The following CEP290 variants were observed in gnomAD, a reference collection of about 807,000 sequenced individuals.
CEP290 encodes the protein centrosomal protein of 290 kDa.
CEP290 carries 317 observed loss-of-function variants against 344.9 expected under a neutral mutation model. The ratio of observed to expected loss-of-function variants is 0.92; its 90% confidence interval spans 0.84 to 1.01. CEP290 has a LOEUF of 1.01. Ranked by LOEUF, CEP290 falls within the 50% of genes least tolerant of loss-of-function variation. The pLI, the probability that CEP290 is intolerant of heterozygous loss-of-function variation, is 0.00. For missense variants in CEP290, 2,754 were observed against 2,761.4 expected, an observed-to-expected ratio of 1.00 and a Z score of 0.06; for synonymous variants, 932 against 895.8, an observed-to-expected ratio of 1.04 and a Z score of -0.72.
chr12:88,126,204 G>T, intron 12 of CEP290, 112 bp downstream of exon 12: 3 of 793,426 alleles, frequency 3.8e-6, no homozygotes, highest in Non-Finnish European at 5.3e-6. Context: ...TTATACACTT[G>T]GTAGTACCAG....
At position 88,106,853 on chromosome 12, in the gene CEP290, G is replaced by A; in HGVS notation, c.2639C>T (p.Ala880Val). 2 of 1,607,554 alleles carry A rather than the reference G, an allele frequency of 1.2e-6. No homozygotes were observed. Among genetic ancestry groups the A allele is most frequent in the Non-Finnish European group, 1.7e-6 (2 of 1,176,678 alleles). ...MDSDEMKKIL[A>V]ENSRKITVLQ... is the part of the protein sequence containing the mutation. Reference sequence around the variant, plus strand: ...AACAGTAATTTTCCTACTATTTTCTGCAAGTATTTTTTTCATTTCATCCGA... The same window carrying A: ...AACAGTAATTTTCCTACTATTTTCTACAAGTATTTTTTTCATTTCATCCGA... The change falls in exon 25 of 54, where the codon GCA becomes GTA. Residue 880 changes from alanine to valine, a missense_variant. Coordinates refer to ENST00000552810, the MANE Select transcript of CEP290 (RefSeq NM_025114.4).
At chr12:88,110,373 T>C (rs1000437972) in intron 22 of CEP290, among the ~76,000 whole-genome samples, 3 of 152,110 alleles carry the variant, frequency 2.0e-5, no homozygotes, top group Non-Finnish European at 4.4e-5. Flanking sequence ...TAACATTTTA[T>C]TGCGTAAAGG....
At chr12:88,095,058 G>T (rs958517657) in intron 27 of CEP290, among the ~76,000 whole-genome samples, 2 of 152,066 alleles carry the variant, frequency 1.3e-5, no homozygotes, top group African/African-American at 4.8e-5. Context: ...ACTAACAGGT[G>T]CTAAAAGCAT....
chr12:88,099,620 A>G (rs2037720714), intron 26 of CEP290, among the ~76,000 whole-genome samples: 1 of 152,190 alleles, frequency 6.6e-6, no homozygotes, highest in Non-Finnish European at 1.5e-5. Context: ...AGTGTTATGA[A>G]GAATAATACA....
intron 45 of CEP290, 60 bp from the exon 46 acceptor site, chr12:88,062,838 A>T: frequency 9.3e-7 from 1 of 1,075,222 alleles, no homozygotes; most frequent in Non-Finnish European, 1.4e-6. Context: ...TGAAAAGAAA[A>T]GGCAAACAAT....
At chr12:88,050,893 T>C (rs2033440376) in intron 52 of CEP290, among the ~76,000 whole-genome samples, 3 of 152,170 alleles carry the variant, frequency 2.0e-5, no homozygotes, top group Admixed American at 6.5e-5. Flanking sequence ...AAACGTGTCA[T>C]GCAGGCTGTG....
intron 12 of CEP290, 84 bp downstream of exon 12, chr12:88,126,232 G>T (rs1271843144): frequency 1.7e-6 from 2 of 1,153,982 alleles, no homozygotes; most frequent in Non-Finnish European, 2.3e-6. Flanking sequence ...ACTAGGCACT[G>T]ATGATATAAT....
chr12:88,080,495 T>A, intron 37 of CEP290, 100 bp from the exon 38 acceptor site: 1 of 821,400 alleles, frequency 1.2e-6, no homozygotes, highest in Non-Finnish European at 1.8e-6. Flanking sequence ...AGCAGCGCAA[T>A]CTCGGCTGAC....
chr12:88,115,961 C>T (rs954529099), intron 18 of CEP290: 10 of 984,652 alleles, frequency 1.0e-5, no homozygotes, highest in Admixed American at 6.2e-5. Flanking sequence ...TATCAGCATA[C>T]TTTACTTGGG....
intron 25 of CEP290, among the ~76,000 whole-genome samples, chr12:88,104,776 CTATTAA>C (rs1448889808): frequency 6.6e-6 from 1 of 151,856 alleles, no homozygotes; most frequent in African/African-American, 2.4e-5. Context: ...GTTGTTGTTA[CTATTAA>C]TATCAATTCA....
At chr12:88,101,681 T>C (rs115065875) in intron 26 of CEP290, among the ~76,000 whole-genome samples, 2,313 of 150,276 alleles carry the variant, frequency 0.015, 62 homozygotes, top group African/African-American at 0.052. Context: ...AAAAAATCTT[T>C]AGGAAAGATG....
In CEP290 at chr12:88,086,428, T is replaced by G; in HGVS notation, c.4265A>C (p.Asp1422Ala). Residue 1422 changes from aspartate (D) to alanine (A), a missense_variant, in exon 33 of 54, where the codon GAC (aspartate) becomes GCC (alanine). By Grantham distance (126) the Asp-to-Ala change is moderately radical. Coordinates refer to ENST00000552810, the MANE Select transcript of CEP290 (RefSeq NM_025114.4). The stretch of plus-strand genomic sequence containing the variant: ...ATTTAGTATTTCATTTTGCTGACGG[T>G]CAAAAATGTCTAGTTGGCGTTCCAG... ...VDLERQLDIFDRQQNEILNAA... is the reference protein window; with the variant it reads ...VDLERQLDIFARQQNEILNAA... 1 of 1,598,746 alleles carries G rather than the reference T, an allele frequency of 6.3e-7. No individual in the cohort carries two copies. Among genetic ancestry groups the G allele is most frequent in the African/African-American group, 1.3e-5 (1 of 74,838 alleles).
chr12:88,074,671 G>A (rs1235442424), intron 41 of CEP290, among the ~76,000 whole-genome samples: 2 of 152,160 alleles, frequency 1.3e-5, no homozygotes, highest in Non-Finnish European at 2.9e-5. Context: ...CCTAAGGCAG[G>A]ACTGTAATCT....
intron 11 of CEP290, among the ~76,000 whole-genome samples, chr12:88,127,154 T>C (rs2039785004): frequency 1.3e-5 from 2 of 152,298 alleles, no homozygotes; most frequent in Admixed American, 6.5e-5. Flanking sequence ...TGAATCCACA[T>C]GATACTCCTT....
At chr12:88,068,459 G>T in intron 44 of CEP290, 63 bp downstream of exon 44, 3 of 1,129,910 alleles carry the variant, frequency 2.7e-6, no homozygotes, top group Non-Finnish European at 3.6e-6. Flanking sequence ...GAAAGAAGTT[G>T]ATTTCACTTT....
intron 48 of CEP290, among the ~76,000 whole-genome samples, chr12:88,059,460 T>G (rs2034283846): frequency 6.6e-6 from 1 of 152,022 alleles, no homozygotes; most frequent in Admixed American, 6.6e-5. Context: ...CAGGCTGGAG[T>G]GTAGTGGTGC....
intron 41 of CEP290, among the ~76,000 whole-genome samples, chr12:88,076,066 A>G (rs1401979464): frequency 2.0e-5 from 3 of 152,178 alleles, no homozygotes; most frequent in African/African-American, 7.2e-5. Context: ...ACTGGTATAG[A>G]AACACACCAG....
At chr12:88,132,124 T>TA (rs1451361997) in intron 6 of CEP290, among the ~76,000 whole-genome samples, 2 of 152,190 alleles carry the variant, frequency 1.3e-5, no homozygotes, top group Admixed American at 6.5e-5. Flanking sequence ...CAAAAAGTAA[T>TA]ACAGCATTCT....
rs1199485459 is a variant in CEP290 at position 88,083,076 on chromosome 12, T to C, written c.4967A>G (p.Glu1656Gly). 1.3e-6 allele frequency: 2 copies of C among 1,525,604 alleles called. No homozygotes were observed. Among genetic ancestry groups the C allele is most frequent in the African/African-American group, 2.8e-5 (2 of 71,610 alleles). 94.5% of individuals were successfully genotyped at this position (1,525,604 alleles called of 1,614,324 possible). The change falls in exon 37 of 54, where the codon GAA becomes GGA. Residue 1656 changes from glutamate (E) to glycine (G), a missense_variant. Coordinates refer to ENST00000552810, the MANE Select transcript of CEP290 (RefSeq NM_025114.4). ...TTCTTTTACTTTTAATTCAGTGATTTCTCTTTGTCTCTCCAAATCTTGTGA... is the reference window on the plus strand; with the variant it reads ...TTCTTTTACTTTTAATTCAGTGATTCCTCTTTGTCTCTCCAAATCTTGTGA... ...KVSQDLERQR[E>G]ITELKVKEFE...
Sources: allele counts gnomAD v4.1 joint callset (sites outside exome capture counted in the v4.1 genomes callset), GRCh38; gene constraint gnomAD v4.1.1; transcripts MANE v1.5; gene names NCBI Gene and HGNC (gene_info 2026-07-23, HGNC 2026-07-21).